The following SOD2 variants were observed in gnomAD, a reference collection of about 807,000 sequenced individuals.
The protein encoded by SOD2 is superoxide dismutase [Mn], mitochondrial.
A neutral mutation model predicts 27.0 loss-of-function variants in SOD2; 11 were observed. That is an observed-to-expected ratio of 0.41 (90% CI 0.26 to 0.67). The LOEUF is 0.67. SOD2 is among the 30% of genes least tolerant of loss of function. The pLI is 0.34. For missense variants in SOD2, 250 were observed against 274.5 expected, an observed-to-expected ratio of 0.91 and a Z score of 0.63; for synonymous variants, 105 against 103.0, an observed-to-expected ratio of 1.02 and a Z score of -0.12.
chr6:159,738,914 A>G (rs895562467), intron 1 of SOD2: 22 of 1,046,686 alleles, frequency 2.1e-5, no homozygotes, highest in Non-Finnish European at 3.2e-5. Flanking sequence ...CACTTGGGAG[A>G]TGTTTCATAG....
In SOD2 at chr6:159,692,701, C is replaced by T. The variant is rs921294182; in HGVS notation, c.186G>A (p.Leu62=). 2 of 1,614,134 alleles carry T rather than the reference C, an allele frequency of 1.2e-6. No homozygotes were observed. The highest frequency in any genetic ancestry group is 4.5e-5 in the East Asian group (2 of 44,866). ...CCTGGTACTTCTCCTCGGTGACGTT[C>T]AGGTTGTTCACGTAGGCCGCGTGGT... ...SKHHAAYVNN[L]NVTEEKYQEA... The change falls in exon 2 of 5, where the codon CTG becomes CTA. Residue 62 remains leucine (L), a synonymous_variant. Transcript: ENST00000538183.
chr6:159,735,702 T>A (rs1184426479), intron 1 of SOD2, among the ~76,000 whole-genome samples: 2 of 151,854 alleles, frequency 1.3e-5, no homozygotes, highest in African/African-American at 2.4e-5. Context: ...TGACCTGAGA[T>A]CGCGCCACTG....
exon 1 of SOD2, chr6:159,761,493 C>G (rs894614212): frequency 2.2e-6 from 1 of 455,646 alleles, no homozygotes; most frequent in Non-Finnish European, 4.4e-6. Context: ...AAGCCCCTCA[C>G]GCGAGCGAAT....
At chr6:159,727,766 G>A (rs1410244345), upstream of SOD2, 2 of 970,922 alleles carry the variant, frequency 2.1e-6, no homozygotes, top group African/African-American at 1.8e-5. Flanking sequence ...GGGCTGATGC[G>A]CAGCCGCCCC....
intron 2 of SOD2, chr6:159,692,210 C>A: frequency 2.9e-6 from 1 of 339,988 alleles, no homozygotes. Context: ...GATGTCTGGC[C>A]ACCAGTGGAC....
intron 1 of SOD2, among the ~76,000 whole-genome samples, chr6:159,753,969 T>C (rs534283976): frequency 5.3e-5 from 8 of 152,340 alleles, no homozygotes; most frequent in Non-Finnish European, 7.4e-5. Flanking sequence ...GTGTAAATCT[T>C]AGAAACATGG....
intron 1 of SOD2, among the ~76,000 whole-genome samples, chr6:159,709,878 CAAT>C (rs1270941696): frequency 6.6e-6 from 1 of 152,002 alleles, no homozygotes; most frequent in African/African-American, 2.4e-5. Context: ...AAATGTCCAA[CAAT>C]GATAGACTGG....
upstream of SOD2, among the ~76,000 whole-genome samples, chr6:159,730,160 C>T (rs1180800260): frequency 6.6e-6 from 1 of 152,166 alleles, no homozygotes; most frequent in Non-Finnish European, 1.5e-5. Flanking sequence ...TTTTAATCAC[C>T]TAATAGCTGA....
chr6:159,689,143 C>T (rs1433883810), intron 2 of SOD2, among the ~76,000 whole-genome samples: 4 of 152,218 alleles, frequency 2.6e-5, no homozygotes, highest in African/African-American at 7.2e-5. Context: ...CACGTGCTCA[C>T]GCAGCTGCAG....
At position 159,732,886 on chromosome 6, in the gene SOD2, A is replaced by AGTGTGTGTGTGTGTGT. The variant is rs67554039; in HGVS notation, c.-116+12228_-116+12243dup. 7.9e-3 allele frequency among the ~76,000 whole-genome samples: 1,150 copies of AGTGTGTGTGTGTGTGT among 146,450 alleles called. 18 individuals carry two copies. Among genetic ancestry groups the AGTGTGTGTGTGTGTGT allele is most frequent in the African/African-American group, 0.026 (994 of 38,362 alleles). Reference sequence around the variant, plus strand: ...TCTCTCTCTCTCTGTATATATATATAGTGTGTGTGTGTGTGTGTGTGTGTG... The same window carrying AGTGTGTGTGTGTGTGT: ...TCTCTCTCTCTCTGTATATATATATAGTGTGTGTGTGTGTGTGTGTGTGTGTGTGTGTGTGTGTGTG... On this transcript the variant is annotated intron_variant, in intron 1 of 3. Transcript: ENST00000537657.
intron 1 of SOD2, among the ~76,000 whole-genome samples, chr6:159,756,594 C>CTTTTTTTTTTTTTT (rs3066261): frequency 1.1e-5 from 1 of 94,386 alleles, no homozygotes. Flanking sequence ...ATTTCTTAGG[C>CTTTTTTTTTTTTTT]TTTTTTTTTT....
At chr6:159,701,974 A>G (rs1201877268) in intron 1 of SOD2, among the ~76,000 whole-genome samples, 1 of 152,208 alleles carries the variant, frequency 6.6e-6, no homozygotes, top group East Asian at 1.9e-4. Flanking sequence ...ACTTTTTCCT[A>G]GAGAACAAGA....
chr6:159,679,763 T>G lies in SOD2; in HGVS notation c.*2730A>C, dbSNP rs1779866996. On this transcript the variant is annotated 3_prime_UTR_variant, in exon 5 of 5. Coordinates refer to ENST00000538183, the MANE Select transcript of SOD2 (RefSeq NM_000636.4). ...TTTCAGAAGAAAAGCAATTTTACCT[T>G]TTCTATTTCTATTATGAAAAACAGA... The G allele has an allele frequency of 6.6e-6, 1 of 152,208 alleles. No individual in the cohort carries two copies. The allele number at this position is 152,208 out of a possible 1,614,324, so 9.4% of individuals were successfully genotyped here. A position where few individuals can be genotyped will look rare whatever the true frequency, so the allele number is the denominator to read the frequency against.
At chr6:159,726,869 G>C (rs928757320) in intron 1 of SOD2, 1 of 1,289,120 alleles carries the variant, frequency 7.8e-7, no homozygotes, top group Non-Finnish European at 1.0e-6. Context: ...CTTCTGCTAA[G>C]AGTAAACGCC....
chr6:159,724,463 C>G (rs1206052070), intron 1 of SOD2, among the ~76,000 whole-genome samples: 7 of 152,232 alleles, frequency 4.6e-5, no homozygotes, highest in Non-Finnish European at 1.0e-4. Context: ...AGCTCCTGTG[C>G]ACTTTTTTCA....
intron 1 of SOD2, among the ~76,000 whole-genome samples, chr6:159,700,165 TG>T (rs1659690166): frequency 6.6e-6 from 1 of 152,240 alleles, no homozygotes; most frequent in Non-Finnish European, 1.5e-5. Context: ...TTCAGTTAGA[TG>T]TGGACAAAAC....
chr6:159,739,986 T>A (rs1408094742), intron 1 of SOD2, among the ~76,000 whole-genome samples: 1 of 152,064 alleles, frequency 6.6e-6, no homozygotes, highest in African/African-American at 2.4e-5. Context: ...ACACTACTAC[T>A]CAATGCTGGG....
chr6:159,728,823 A>G (rs981157583), upstream of SOD2, among the ~76,000 whole-genome samples: 2 of 152,192 alleles, frequency 1.3e-5, no homozygotes, highest in Non-Finnish European at 2.9e-5. Context: ...GTGCTTTTAT[A>G]TGTTAAGGTA....
chr6:159,750,648 C>G (rs929646802), intron 1 of SOD2, among the ~76,000 whole-genome samples: 1 of 150,258 alleles, frequency 6.7e-6, no homozygotes, highest in African/African-American at 2.5e-5. Context: ...GTCTCTTTGG[C>G]ATTTTTCCAT....
Sources: gnomAD v4.1 joint callset for allele counts (sites outside exome capture counted in the v4.1 genomes callset) on GRCh38, gnomAD v4.1.1 for gene constraint, MANE v1.5 for transcripts, NCBI Gene and HGNC (gene_info 2026-07-23, HGNC 2026-07-21) for gene names.